MCC: variants seen among roughly 807,000 people sequenced by gnomAD.
The protein encoded by MCC is MCC regulator of Wnt signaling pathway.
MCC carries 90 observed loss-of-function variants against 116.2 expected under a neutral mutation model. The ratio of observed to expected loss-of-function variants is 0.77; its 90% CI spans 0.65 to 0.92. The LOEUF (loss-of-function observed/expected upper bound fraction) is 0.92. Among genes scored for constraint, MCC ranks in the 40% least tolerant of loss-of-function variants. The pLI, the probability that MCC is intolerant of heterozygous loss-of-function variation, is 0.00. For missense variants in MCC, 1,516 were observed against 1,312.2 expected (o/e 1.16, Z -2.40); for synonymous variants, 578 against 510.5 (o/e 1.13, Z -1.78).
intron 5 of MCC, among the ~76,000 whole-genome samples, chr5:113,142,730 G>T (rs1759253228): frequency 6.6e-6 from 1 of 152,134 alleles, no homozygotes; most frequent in Non-Finnish European, 1.5e-5. Flanking sequence ...AATATAATCA[G>T]ATTATCTGGA....
chr5:113,215,717 C>T (rs1224571239), intron 3 of MCC, among the ~76,000 whole-genome samples: 1 of 152,214 alleles, frequency 6.6e-6, no homozygotes, highest in East Asian at 1.9e-4. Flanking sequence ...GCGCAATGAT[C>T]TTGGACGTTC....
At chr5:113,048,814 C>T in intron 16 of MCC, 1 of 533,952 alleles carries the variant, frequency 1.9e-6, no homozygotes, top group Non-Finnish European at 3.3e-6. Context: ...GAGGTGAGAA[C>T]AGTATCAGTG....
chr5:113,189,252 C>T (rs1394216886), intron 3 of MCC, among the ~76,000 whole-genome samples: 1 of 152,196 alleles, frequency 6.6e-6, no homozygotes, highest in African/African-American at 2.4e-5. Context: ...CAGTCAGCTG[C>T]CCCTTAAACA....
chr5:113,279,556 G>A (rs1581359317), intron 3 of MCC, among the ~76,000 whole-genome samples: 1 of 152,132 alleles, frequency 6.6e-6, no homozygotes, highest in African/African-American at 2.4e-5. Flanking sequence ...TAACTGCATG[G>A]ACTTCGTATC....
chr5:113,375,267 T>C (rs1008523187), intron 2 of MCC, among the ~76,000 whole-genome samples: 75 of 152,288 alleles, frequency 4.9e-4, no homozygotes, highest in African/African-American at 6.5e-4. Flanking sequence ...TCTTCTCTGG[T>C]TTCTGACAAT....
At chr5:113,050,221 T>C (rs1311235151) in intron 15 of MCC, among the ~76,000 whole-genome samples, 2 of 152,180 alleles carry the variant, frequency 1.3e-5, no homozygotes, top group Admixed American at 1.3e-4. Context: ...AGCCAAGCTG[T>C]CTGGTTCAGA....
intron 4 of MCC, among the ~76,000 whole-genome samples, chr5:113,144,521 C>T (rs1421110091): frequency 6.6e-6 from 1 of 152,212 alleles, no homozygotes. Context: ...CGCTACCTCC[C>T]CTGTCCCTCC....
chr5:113,179,478 G>A (rs1211696868), intron 3 of MCC, among the ~76,000 whole-genome samples: 3 of 152,180 alleles, frequency 2.0e-5, no homozygotes, highest in African/African-American at 4.8e-5. Flanking sequence ...GGAATGCAAA[G>A]GAAATTCTTC....
chr5:113,406,581 T>C (rs1258423029), intron 1 of MCC, among the ~76,000 whole-genome samples: 1 of 152,224 alleles, frequency 6.6e-6, no homozygotes, highest in Non-Finnish European at 1.5e-5. Flanking sequence ...TCTACATCTA[T>C]ACTCACTAGT....
At chr5:113,400,852 G>T (rs1172141291) in intron 1 of MCC, among the ~76,000 whole-genome samples, 2 of 152,166 alleles carry the variant, frequency 1.3e-5, no homozygotes, top group Non-Finnish European at 2.9e-5. Context: ...CTTACAGTGA[G>T]CACTCAGTAA....
intron 3 of MCC, among the ~76,000 whole-genome samples, chr5:113,211,762 C>G (rs1473635514): frequency 1.3e-5 from 2 of 152,076 alleles, no homozygotes; most frequent in African/African-American, 4.8e-5. Context: ...CCTAAAACTC[C>G]CCTTAATTAA....
chr5:113,134,328 T>A (rs951270698), intron 5 of MCC, among the ~76,000 whole-genome samples: 1 of 152,174 alleles, frequency 6.6e-6, no homozygotes, highest in Admixed American at 6.5e-5. Context: ...AAGAGACTGT[T>A]CTTTCCCCCA....
chr5:113,283,099 G>A (rs974289315), intron 3 of MCC, among the ~76,000 whole-genome samples: 1 of 152,226 alleles, frequency 6.6e-6, no homozygotes, highest in Admixed American at 6.5e-5. Flanking sequence ...TTATTCTTGG[G>A]CACTCTGGAG....
chr5:113,400,266 G>C (rs1384977479), intron 1 of MCC, among the ~76,000 whole-genome samples: 1 of 151,386 alleles, frequency 6.6e-6, no homozygotes, highest in Non-Finnish European at 1.5e-5. Context: ...GGAATTGCAG[G>C]CGCCCGCCAC....
At chr5:113,085,052 C>T (rs1755109556) in intron 9 of MCC, 112 bp downstream of exon 9, 2 of 1,436,920 alleles carry the variant, frequency 1.4e-6, no homozygotes, top group Admixed American at 1.7e-5. Context: ...CCAGGGGAAG[C>T]CCCTTGTGCT....
At chr5:113,308,954 C>A (rs192379668) in intron 3 of MCC, among the ~76,000 whole-genome samples, 2 of 152,262 alleles carry the variant, frequency 1.3e-5, no homozygotes, top group East Asian at 3.9e-4. Flanking sequence ...AATCTTCCTC[C>A]ATTGCTATGG....
At chr5:113,192,187 C>T (rs544102206) in intron 3 of MCC, among the ~76,000 whole-genome samples, 1 of 152,270 alleles carries the variant, frequency 6.6e-6, no homozygotes, top group South Asian at 2.1e-4. Flanking sequence ...TAAGGAAGCA[C>T]CCACACCTGA....
intron 3 of MCC, among the ~76,000 whole-genome samples, chr5:113,293,593 AG>A: frequency 6.6e-6 from 1 of 152,208 alleles, no homozygotes; most frequent in East Asian, 1.9e-4. Context: ...TCATGAAAAA[AG>A]ATGGCTTTGG....
intron 3 of MCC, among the ~76,000 whole-genome samples, chr5:113,317,282 T>C (rs1657577449): frequency 6.6e-6 from 1 of 152,234 alleles, no homozygotes; most frequent in South Asian, 2.1e-4. Context: ...AAAAAAACTA[T>C]ATTCAAACAT....
Sources: allele counts gnomAD v4.1 joint callset (sites outside exome capture counted in the v4.1 genomes callset), GRCh38; gene constraint gnomAD v4.1.1; transcripts MANE v1.5; gene names NCBI Gene and HGNC (gene_info 2026-07-23, HGNC 2026-07-21).